NADSYN1: variants seen among roughly 807,000 people sequenced by gnomAD.
NADSYN1 encodes the protein glutamine-dependent NAD(+) synthetase.
A neutral mutation model predicts 99.3 loss-of-function variants in NADSYN1; 80 were observed. The observed-to-expected ratio is 0.81, with a 90% CI of 0.67 to 0.97. The LOEUF (loss-of-function observed/expected upper bound fraction) is 0.97, where lower values mean the gene tolerates loss of function less well. Ranked by LOEUF, NADSYN1 falls within the 50% of genes least tolerant of loss-of-function variation. NADSYN1 has a pLI of 0.00. For missense variants in NADSYN1, 859 were observed against 948.5 expected (o/e 0.91, Z 1.24); for synonymous variants, 385 against 372.1 (o/e 1.03, Z -0.40).
At chr11:71,460,680 G>C (rs1314652283) in intron 3 of NADSYN1, 1 of 139,448 alleles carries the variant, frequency 7.2e-6, no homozygotes, top group African/African-American at 2.5e-5. Flanking sequence ...ACTTAAATTT[G>C]TAACCATCAT....
intron 3 of NADSYN1, chr11:71,458,844 C>T: frequency 3.3e-6 from 1 of 300,058 alleles, no homozygotes; most frequent in Non-Finnish European, 6.5e-6. Context: ...GTGCAGAGAG[C>T]TTGACTCACA....
intron 18 of NADSYN1, 27 bp from the exon 19 acceptor site, chr11:71,497,456 C>G: frequency 1.2e-6 from 2 of 1,613,886 alleles, no homozygotes; most frequent in Non-Finnish European, 1.7e-6. Context: ...TTGCTGTCAT[C>G]ATGGAACAGA....
chr11:71,498,097 C>T (rs998923157), intron 19 of NADSYN1, among the ~76,000 whole-genome samples: 18 of 151,658 alleles, frequency 1.2e-4, no homozygotes, highest in South Asian at 4.2e-4. Flanking sequence ...GCATCAGAGG[C>T]GGGGGACCCC....
chr11:71,491,057 A>G, intron 17 of NADSYN1, 81 bp downstream of exon 17: 1 of 1,572,462 alleles, frequency 6.4e-7, no homozygotes, highest in African/African-American at 1.3e-5. Flanking sequence ...GCCCACACTC[A>G]GGCTCCTTCG....
intron 16 of NADSYN1, among the ~76,000 whole-genome samples, chr11:71,486,701 C>T (rs1431744652): frequency 1.3e-5 from 2 of 152,076 alleles, no homozygotes; most frequent in African/African-American, 4.8e-5. Flanking sequence ...CCCATCCATC[C>T]ACCCATCTCT....
At chr11:71,463,719 C>T (rs7123872) in intron 4 of NADSYN1, among the ~76,000 whole-genome samples, 6,080 of 151,992 alleles carry the variant, frequency 0.04, 403 homozygotes, top group African/African-American at 0.14. Flanking sequence ...AGGAGAGAGA[C>T]GCAGAGGGTG....
intron 19 of NADSYN1, among the ~76,000 whole-genome samples, chr11:71,497,945 GTCCAATGGAACCTCCTGGAAGCCTTGT>G (rs1171123653): frequency 1.1e-4 from 17 of 152,344 alleles, no homozygotes; most frequent in African/African-American, 3.6e-4. Flanking sequence ...AAGCATTGTA[GTCCAATGGAACCTCCTGGAAGCCTTGT>G]GAAATAAATC....
Position 71,501,592 on chromosome 11 carries a change from C to T in NADSYN1, c.*240C>T, listed in dbSNP as rs113263840. 2.1e-4 allele frequency: 113 copies of T among 525,756 alleles called. No homozygotes were observed. Among genetic ancestry groups the T allele is most frequent in the Admixed American group, 1.6e-3 (44 of 27,966 alleles). The allele number at this position is 525,756 out of a possible 1,614,324, so 32.6% of individuals were successfully genotyped here. A position where few individuals can be genotyped will look rare whatever the true frequency, so the allele number is the denominator to read the frequency against. On this transcript the variant is annotated 3_prime_UTR_variant, in exon 21 of 21. Transcript: ENST00000319023. The stretch of plus-strand genomic sequence containing the variant: ...GACCTCCCGCCAGCGTGCGCTTCCC[C>T]GCGAAGTCTGGCATTCTCCGAAGGA...
chr11:71,466,980 G>A (rs771881928), intron 5 of NADSYN1, among the ~76,000 whole-genome samples: 2 of 152,166 alleles, frequency 1.3e-5, no homozygotes, highest in Middle Eastern at 6.8e-3. Flanking sequence ...AGGTGGGGGG[G>A]TGGGCAGGAG....
chr11:71,477,773 C>G (rs1168988724), intron 9 of NADSYN1, among the ~76,000 whole-genome samples: 4 of 152,194 alleles, frequency 2.6e-5, no homozygotes, highest in Non-Finnish European at 5.9e-5. Flanking sequence ...TCTGCCCTCC[C>G]CCAGCTCCAT....
intron 7 of NADSYN1, 44 bp downstream of exon 7, chr11:71,473,410 G>A (rs1393955797): frequency 6.3e-7 from 1 of 1,598,186 alleles, no homozygotes; most frequent in Non-Finnish European, 8.6e-7. Flanking sequence ...CACCTCATAT[G>A]GGCCAGCTGG....
intron 3 of NADSYN1, among the ~76,000 whole-genome samples, chr11:71,462,882 T>G (rs1374579925): frequency 1.3e-5 from 2 of 152,076 alleles, no homozygotes; most frequent in Non-Finnish European, 2.9e-5. Context: ...CCCACTCGAG[T>G]GCCCCCAGCC....
chr11:71,501,093 C>CA (rs1949854307), intron 20 of NADSYN1, among the ~76,000 whole-genome samples: 1 of 152,232 alleles, frequency 6.6e-6, no homozygotes, highest in Non-Finnish European at 1.5e-5. Flanking sequence ...AAGGTGGAGA[C>CA]GCTGCTGTCA....
chr11:71,470,477 G>C (rs1187026548), intron 5 of NADSYN1, among the ~76,000 whole-genome samples: 1 of 152,222 alleles, frequency 6.6e-6, no homozygotes, highest in African/African-American at 2.4e-5. Flanking sequence ...GTGTGCACTG[G>C]GCTTATTTTA....
rs1457196294 is a variant in NADSYN1 at position 71,464,069 on chromosome 11, A to G, written c.334A>G (p.Arg112Gly). 1.2e-6 allele frequency: 2 copies of G among 1,612,332 alleles called. No homozygotes were observed. Among genetic ancestry groups the G allele is most frequent in the Admixed American group, 1.7e-5 (1 of 59,850 alleles). Residue 112 changes from arginine to glycine, a missense_variant, in exon 5 of 21, where the codon AGA becomes GGA. Physicochemically the swap from Arg to Gly is moderately radical, Grantham distance 125. Transcript: ENST00000319023. ...IFLNRKILLI[R>G]PKMALANEGN... ...TGTCTGCAGGAAGATCCTGCTCATC[A>G]GACCCAAGATGGCCTTGGCCAATGA... is the stretch of plus-strand genomic sequence containing the variant.
In NADSYN1 at chr11:71,464,145, G is replaced by A. The variant is rs751106064; in HGVS notation, c.407+3G>A. On this transcript the variant is annotated splice_donor_region_variant and intron_variant, in intron 5 of 20. Transcript: ENST00000319023. ...TTCACCCCGTGGTCGAGGAGTCGGT[G>A]AGTCGGGTGCCTGACCACTCCTGGG... is the stretch of plus-strand genomic sequence containing the variant. 61 of 1,603,276 alleles carry A rather than the reference G, an allele frequency of 3.8e-5. No homozygotes were observed. Among genetic ancestry groups the A allele is most frequent in the Non-Finnish European group, 5.1e-5 (60 of 1,174,834 alleles).
chr11:71,458,218 G>A (rs1235443333), intron 2 of NADSYN1, among the ~76,000 whole-genome samples: 1 of 152,194 alleles, frequency 6.6e-6, no homozygotes. Context: ...AGAGAGAGGA[G>A]CAGGGGCCGT....
chr11:71,481,502 G>A (rs1160140457), intron 12 of NADSYN1, 98 bp downstream of exon 12: 2 of 1,169,464 alleles, frequency 1.7e-6, no homozygotes, highest in Non-Finnish European at 2.5e-6. Context: ...TTTTTTTTTA[G>A]TGCAAACAAC....
rs193154884 is a variant in NADSYN1, at chr11:71,482,791, A to C, written c.1151-58A>C. On this transcript the variant is annotated intron_variant, in intron 13 of 20. Coordinates refer to ENST00000319023, the MANE Select transcript of NADSYN1 (RefSeq NM_018161.5). Reference sequence around the variant, plus strand: ...TGGGGGTGTAGACCGGGGTGGAACTATGTAAACATCCCACACACTCAGGTG... The same window carrying C: ...TGGGGGTGTAGACCGGGGTGGAACTCTGTAAACATCCCACACACTCAGGTG... 11 of 1,578,884 alleles carry C rather than the reference A, an allele frequency of 7.0e-6. No individual in the cohort carries two copies. The African/African-American group carries it at 1.2e-4, about 17-fold the overall frequency.
Sources: gnomAD v4.1 joint callset for allele counts (sites outside exome capture counted in the v4.1 genomes callset) on GRCh38, gnomAD v4.1.1 for gene constraint, MANE v1.5 for transcripts, NCBI Gene and HGNC (gene_info 2026-07-23, HGNC 2026-07-21) for gene names.